The following ICAM2 variants were observed in gnomAD, a reference collection of about 807,000 sequenced individuals.
The protein encoded by ICAM2 is ICAM-2.
ICAM2 carries 14 observed loss-of-function variants against 19.1 expected under a neutral mutation model. That is an observed-to-expected ratio of 0.73 (90% CI 0.48 to 1.15). The LOEUF is 1.15. Ranked by LOEUF, ICAM2 falls within the 50% of genes most tolerant of loss-of-function variation. The pLI is 0.00. For synonymous variants in ICAM2, 153 were observed against 152.7 expected, an observed-to-expected ratio of 1.00 and a Z score of -0.01; for missense variants, 311 against 355.4, an observed-to-expected ratio of 0.88 and a Z score of 1.00.
intron 1 of ICAM2, among the ~76,000 whole-genome samples, chr17:64,008,826 G>A (rs1466330233): frequency 1.3e-5 from 2 of 152,192 alleles, no homozygotes; most frequent in Admixed American, 6.5e-5. Flanking sequence ...GCTCCAAACA[G>A]CTTCTGGAAG....
In ICAM2 at chr17:64,006,551, C is replaced by T. The variant is rs148806962; in HGVS notation, c.61+80G>A. 4.1e-4 allele frequency: 519 copies of T among 1,265,290 alleles called. 3 individuals are homozygous for T. The East Asian group carries it at 9.9e-3, about 24-fold the overall frequency. The allele number at this position is 1,265,290 out of a possible 1,614,324, so 78.4% of individuals were successfully genotyped here. A position where few individuals can be genotyped will look rare whatever the true frequency, so the allele number is the denominator to read the frequency against. The stretch of plus-strand genomic sequence containing the variant: ...AGCAACTTTTGGGACTTCTCTTCCA[C>T]CTGAAGCCACAGGGAACAGGGCACC... On this transcript the variant is annotated intron_variant, in intron 2 of 4. Transcript: ENST00000579788.
At chr17:64,006,320 C>A in intron 2 of ICAM2, 1 of 276,930 alleles carries the variant, frequency 3.6e-6, no homozygotes, top group Non-Finnish European at 6.8e-6. Context: ...GAGTTCGAGA[C>A]CAGCCCCTGC....
intron 1 of ICAM2, among the ~76,000 whole-genome samples, chr17:64,020,026 G>C (rs1483133719): frequency 7.2e-5 from 11 of 152,078 alleles, no homozygotes. Context: ...TGCCTAGAAA[G>C]AAGAGGCTTC....
intron 1 of ICAM2, among the ~76,000 whole-genome samples, chr17:64,019,264 A>G (rs1169237306): frequency 6.6e-6 from 1 of 152,228 alleles, no homozygotes; most frequent in Non-Finnish European, 1.5e-5. Flanking sequence ...TCAAGACTGT[A>G]GTCCCAACTA....
At chr17:64,017,306 G>A (rs1042916152) in intron 1 of ICAM2, among the ~76,000 whole-genome samples, 5 of 152,144 alleles carry the variant, frequency 3.3e-5, no homozygotes, top group African/African-American at 9.7e-5. Flanking sequence ...TTGTTCTTGT[G>A]TGTATCAGTA....
At chr17:64,003,003 C>T in intron 4 of ICAM2, 78 bp from the exon 5 acceptor site, 2 of 1,399,812 alleles carry the variant, frequency 1.4e-6, no homozygotes, top group Non-Finnish European at 2.0e-6. Context: ...GGAAGTCCAC[C>T]CCCAACCCAG....
intron 1 of ICAM2, 78 bp from the exon 2 acceptor site, chr17:64,006,813 C>T (rs1911234932): frequency 1.2e-6 from 1 of 817,990 alleles, no homozygotes; most frequent in South Asian, 1.6e-5. Flanking sequence ...ACTGCATTTC[C>T]TCTCATTATC....
intron 1 of ICAM2, among the ~76,000 whole-genome samples, chr17:64,013,884 CAT>C (rs1166237639): frequency 6.6e-6 from 1 of 151,772 alleles, no homozygotes; most frequent in Non-Finnish European, 1.5e-5. Context: ...GAAATTTTAA[CAT>C]ATGTCTCTTA....
At chr17:64,019,880 T>A (rs913822808) in intron 1 of ICAM2, among the ~76,000 whole-genome samples, 2 of 151,902 alleles carry the variant, frequency 1.3e-5, no homozygotes, top group African/African-American at 4.8e-5. Context: ...TACTCCATCC[T>A]TGTGCTGAGT....
chr17:64,014,601 AAGGGAGGG>A (rs150793498), intron 1 of ICAM2, among the ~76,000 whole-genome samples: 1 of 134,188 alleles, frequency 7.5e-6, no homozygotes, highest in Non-Finnish European at 1.6e-5. Context: ...GAAAGAAAGA[AAGGGAGGG>A]AGGGAGGGAG....
At position 64,002,859 on chromosome 17, in the gene ICAM2, A is replaced by T; in HGVS notation, c.716T>A (p.Val239Glu). 6.2e-7 allele frequency: 1 copy of T among 1,613,994 alleles called. No individual in the cohort carries two copies. Among genetic ancestry groups the T allele is most frequent in the South Asian group, 1.1e-5 (1 of 91,080 alleles). ...GATGAAGCAGAGCAGGACAGATGTCACGAACAGGGACAGCAACACCGACAC... is the reference window on the plus strand; with the variant it reads ...GATGAAGCAGAGCAGGACAGATGTCTCGAACAGGGACAGCAACACCGACAC... ...TVVSVLLSLF[V>E]TSVLLCFIFG... Residue 239 changes from valine (V) to glutamate (E), a missense_variant, in exon 5 of 5, where the codon GTG (valine) becomes GAG (glutamate). Transcript: ENST00000579788.
Position 64,002,734 on chromosome 17 carries a change from C to T in ICAM2, c.*13G>A, listed in dbSNP as rs1910863767. ...AGTGACCACCGTGGTGGTGGCCATG[C>T]CACTCATGGTTGCTATGGCCGGAAG... is the stretch of plus-strand genomic sequence containing the variant. On this transcript the variant is annotated 3_prime_UTR_variant, in exon 5 of 5. Coordinates refer to ENST00000579788, the MANE Select transcript of ICAM2 (RefSeq NM_001099789.2). 1 of 1,607,156 alleles carries T rather than the reference C, an allele frequency of 6.2e-7. No homozygotes were observed. Among genetic ancestry groups the T allele is most frequent in the Non-Finnish European group, 8.5e-7 (1 of 1,177,520 alleles).
intron 1 of ICAM2, 119 bp downstream of exon 1, chr17:64,020,404 A>G (rs1171117021): frequency 6.6e-6 from 1 of 152,364 alleles, no homozygotes; most frequent in Non-Finnish European, 1.5e-5. Flanking sequence ...CCCTGCACTT[A>G]CCAGCGAGAA....
chr17:64,006,694 C>G lies in ICAM2; in HGVS notation c.-3G>C, dbSNP rs1051187. On this transcript the variant is annotated 5_prime_UTR_variant, in exon 2 of 5. Coordinates refer to ENST00000579788, the MANE Select transcript of ICAM2 (RefSeq NM_001099789.2). ...GTCCTGTAACCGAAAGAGGACATCTCTGGCAGTCTCCACGGGCTCGCAGGG... is the reference window on the plus strand; with the variant it reads ...GTCCTGTAACCGAAAGAGGACATCTGTGGCAGTCTCCACGGGCTCGCAGGG... 2 of 1,614,130 alleles carry G rather than the reference C, an allele frequency of 1.2e-6. No homozygotes were observed. The highest frequency in any genetic ancestry group is 1.1e-5 in the South Asian group (1 of 91,068).
intron 1 of ICAM2, among the ~76,000 whole-genome samples, chr17:64,011,046 A>G (rs939936114): frequency 2.0e-5 from 3 of 152,326 alleles, no homozygotes; most frequent in East Asian, 3.9e-4. Context: ...TAAAATGGGC[A>G]CAGACCAGCC....
rs1567849924 is a variant in ICAM2, at chr17:64,014,761, GAA to G, written c.-45+5760_-45+5761del. ...AGAAAGAAAGAAAGAAAGAAAGAAA[GAA>G]AGAAAAAGAAAGAAGGAAAATAAGT... is the stretch of plus-strand genomic sequence containing the variant. On this transcript the variant is annotated intron_variant, in intron 1 of 4. Transcript: ENST00000579788. Among the ~76,000 whole-genome samples, 23 of 134,334 alleles carry G rather than the reference GAA, an allele frequency of 1.7e-4. 1 individual carries two copies. The highest frequency in any genetic ancestry group is 7.5e-4 in the South Asian group (3 of 3,992). 88.1% of individuals were successfully genotyped at this position (134,334 alleles called of 152,430 possible).
intron 3 of ICAM2, 143 bp downstream of exon 3, chr17:64,004,964 G>T (rs1253509725): frequency 3.2e-6 from 3 of 940,442 alleles, no homozygotes; most frequent in Non-Finnish European, 3.3e-6. Context: ...GCCTGGTCCT[G>T]CCCCTTGTCA....
intron 1 of ICAM2, among the ~76,000 whole-genome samples, chr17:64,010,540 GA>G (rs58057567): frequency 1.5e-3 from 219 of 144,680 alleles, no homozygotes; most frequent in African/African-American, 5.5e-3. Flanking sequence ...TTGTTTGAAA[GA>G]AAAAAAAAAA....
chr17:64,020,074 G>T (rs1911887894), intron 1 of ICAM2, among the ~76,000 whole-genome samples: 1 of 152,166 alleles, frequency 6.6e-6, no homozygotes, highest in Non-Finnish European at 1.5e-5. Flanking sequence ...AGACCCCCTC[G>T]AACCGAGGCA....
Sources: gnomAD v4.1 joint callset for allele counts (sites outside exome capture counted in the v4.1 genomes callset) on GRCh38, gnomAD v4.1.1 for gene constraint, MANE v1.5 for transcripts, NCBI Gene and HGNC (gene_info 2026-07-23, HGNC 2026-07-21) for gene names.